Variants in LRMDA observed in about 807,000 individuals in gnomAD.
LRMDA encodes leucine-rich melanocyte differentiation-associated protein.
Under a neutral mutation model 29.8 loss-of-function variants are expected in LRMDA, and 18 were observed. That is an observed-to-expected ratio of 0.60 (90% CI 0.42 to 0.90). LRMDA has a LOEUF of 0.90. Among genes scored for constraint, LRMDA ranks in the 40% least tolerant of loss-of-function variants. LRMDA has a pLI of 0.00. For missense variants in LRMDA, 273 were observed against 273.9 expected, an observed-to-expected ratio of 1.00 and a Z score of 0.02; for synonymous variants, 125 against 109.4, an observed-to-expected ratio of 1.14 and a Z score of -0.89.
intron 3 of LRMDA, among the ~76,000 whole-genome samples, chr10:76,042,264 A>G (rs948557040): frequency 6.6e-6 from 1 of 152,204 alleles, no homozygotes; most frequent in African/African-American, 2.4e-5. Flanking sequence ...GACTCAGCCA[A>G]AAGTATCATT....
At chr10:75,745,722 T>G (rs1260041476) in intron 2 of LRMDA, among the ~76,000 whole-genome samples, 1 of 152,234 alleles carries the variant, frequency 6.6e-6, no homozygotes, top group Non-Finnish European at 1.5e-5. Flanking sequence ...GTCCTTTTTC[T>G]ATTCCAGCAA....
At chr10:76,100,063 T>G (rs1849372646) in intron 5 of LRMDA, among the ~76,000 whole-genome samples, 1 of 152,224 alleles carries the variant, frequency 6.6e-6, no homozygotes, top group African/African-American at 2.4e-5. Context: ...CCCTTTTTTC[T>G]TTCAGTTTTA....
At chr10:76,034,636 A>G (rs1848210112) in intron 2 of LRMDA, among the ~76,000 whole-genome samples, 1 of 152,202 alleles carries the variant, frequency 6.6e-6, no homozygotes, top group South Asian at 2.1e-4. Context: ...CAGCGATCCC[A>G]CAAGGGAGCT....
chr10:76,120,189 A>ATTTTTTTT (rs35999168), intron 5 of LRMDA, among the ~76,000 whole-genome samples: 1 of 133,170 alleles, frequency 7.5e-6, no homozygotes, highest in Non-Finnish European at 1.6e-5. Context: ...GTATGTGTTG[A>ATTTTTTTT]TTTTTTTTTT....
chr10:75,638,580 C>G (rs1035566758), intron 2 of LRMDA, among the ~76,000 whole-genome samples: 9 of 152,162 alleles, frequency 5.9e-5, no homozygotes, highest in Non-Finnish European at 1.2e-4. Context: ...TTTGTGATGT[C>G]CAGCATATAT....
At chr10:76,190,532 C>T (rs191109810) in intron 5 of LRMDA, among the ~76,000 whole-genome samples, 5 of 152,202 alleles carry the variant, frequency 3.3e-5, no homozygotes, top group Admixed American at 3.3e-4. Flanking sequence ...GGCCTGAACA[C>T]ATTCTGTCAA....
At chr10:75,683,123 C>T (rs1225008252) in intron 2 of LRMDA, among the ~76,000 whole-genome samples, 1 of 152,144 alleles carries the variant, frequency 6.6e-6, no homozygotes, top group African/African-American at 2.4e-5. Context: ...AATTATATAG[C>T]TTATTTAGCT....
At chr10:75,678,295 A>G (rs186741065) in intron 2 of LRMDA, among the ~76,000 whole-genome samples, 24 of 152,324 alleles carry the variant, frequency 1.6e-4, no homozygotes, top group Non-Finnish European at 2.8e-4. Flanking sequence ...ACCTACTTAT[A>G]TAGTATATTG....
chr10:76,306,849 G>A (rs1433389429), intron 5 of LRMDA, among the ~76,000 whole-genome samples: 1 of 152,214 alleles, frequency 6.6e-6, no homozygotes, highest in Non-Finnish European at 1.5e-5. Flanking sequence ...GACAAAATGT[G>A]TATGATGTCT....
chr10:75,955,547 C>T (rs929046680), intron 2 of LRMDA, among the ~76,000 whole-genome samples: 1 of 152,208 alleles, frequency 6.6e-6, no homozygotes, highest in African/African-American at 2.4e-5. Flanking sequence ...ACCACATTTT[C>T]ATGGCATCTT....
intron 2 of LRMDA, among the ~76,000 whole-genome samples, chr10:75,572,429 G>A (rs751851590): frequency 2.0e-5 from 3 of 151,268 alleles, no homozygotes; most frequent in Admixed American, 2.0e-4. Flanking sequence ...TGGCACCCCC[G>A]GCAGATAGAA....
chr10:76,044,616 C>T (rs1327542651), intron 3 of LRMDA, among the ~76,000 whole-genome samples: 1 of 151,970 alleles, frequency 6.6e-6, no homozygotes, highest in Non-Finnish European at 1.5e-5. Flanking sequence ...TATTTTGTCT[C>T]CAGGGATTTT....
At chr10:76,359,589 A>G (rs958437332) in intron 6 of LRMDA, among the ~76,000 whole-genome samples, 4 of 152,180 alleles carry the variant, frequency 2.6e-5, no homozygotes, top group South Asian at 2.1e-4. Flanking sequence ...GATGCTTTCT[A>G]TGCCTTTCAG....
chr10:76,314,584 T>C (rs1307731469), intron 5 of LRMDA, among the ~76,000 whole-genome samples: 2 of 152,234 alleles, frequency 1.3e-5, no homozygotes, highest in African/African-American at 4.8e-5. Flanking sequence ...ATTTTTATCA[T>C]ACAAATTCAG....
intron 2 of LRMDA, among the ~76,000 whole-genome samples, chr10:75,982,617 T>C (rs1847192571): frequency 6.6e-6 from 1 of 152,232 alleles, no homozygotes; most frequent in African/African-American, 2.4e-5. Flanking sequence ...GCCTTAATGA[T>C]TTTAGCTTAT....
At chr10:75,960,804 A>G (rs1279811205) in intron 2 of LRMDA, among the ~76,000 whole-genome samples, 1 of 151,916 alleles carries the variant, frequency 6.6e-6, no homozygotes, top group Non-Finnish European at 1.5e-5. Context: ...TTTAGTAGAG[A>G]CTGGGTTTCA....
intron 2 of LRMDA, among the ~76,000 whole-genome samples, chr10:75,564,455 G>A (rs1203096472): frequency 6.6e-6 from 1 of 152,220 alleles, no homozygotes; most frequent in African/African-American, 2.4e-5. Context: ...CTTTGACTAG[G>A]AAAGGGAACT....
At chr10:76,418,773 C>T (rs1445140572) in intron 6 of LRMDA, among the ~76,000 whole-genome samples, 1 of 151,932 alleles carries the variant, frequency 6.6e-6, no homozygotes, top group Admixed American at 6.6e-5. Flanking sequence ...TTAGAAAAGG[C>T]ATCTTTTCTT....
intron 2 of LRMDA, among the ~76,000 whole-genome samples, chr10:75,783,852 T>C (rs1224194973): frequency 6.6e-6 from 1 of 152,236 alleles, no homozygotes; most frequent in East Asian, 1.9e-4. Context: ...CCAGCCAAGA[T>C]GTCAAGATTA....
Sources: gnomAD v4.1 joint callset for allele counts (sites outside exome capture counted in the v4.1 genomes callset) on GRCh38, gnomAD v4.1.1 for gene constraint, MANE v1.5 for transcripts, NCBI Gene and HGNC (gene_info 2026-07-23, HGNC 2026-07-21) for gene names.